Variants in JAZF1 observed in about 807,000 individuals in gnomAD.
JAZF1 encodes JAZF zinc finger 1.
JAZF1 carries 8 observed loss-of-function variants against 26.4 expected under a neutral mutation model. The ratio of observed to expected loss-of-function variants is 0.30; its 90% confidence interval spans 0.18 to 0.55. The LOEUF (loss-of-function observed/expected upper bound fraction) is 0.55, where lower values mean the gene tolerates loss of function less well. Ranked by LOEUF, JAZF1 falls within the 20% of genes least tolerant of loss-of-function variation. The pLI, the probability that JAZF1 is intolerant of heterozygous loss-of-function variation, is 0.94. For missense variants in JAZF1, 199 were observed against 322.0 expected (o/e 0.62, Z 2.92); for synonymous variants, 126 against 122.3 (o/e 1.03, Z -0.20).
At chr7:28,020,585 C>T (rs904011523) in intron 1 of JAZF1, 10 of 471,212 alleles carry the variant, frequency 2.1e-5, no homozygotes, top group Admixed American at 9.4e-5. Context: ...CATGCATATT[C>T]GTACAACAAC....
intron 3 of JAZF1, among the ~76,000 whole-genome samples, chr7:27,876,950 G>C (rs1190297538): frequency 6.6e-6 from 1 of 152,220 alleles, no homozygotes; most frequent in Non-Finnish European, 1.5e-5. Context: ...CCCAGCTAGA[G>C]ATGACTTTAT....
intron 2 of JAZF1, among the ~76,000 whole-genome samples, chr7:27,911,041 G>A (rs1033298334): frequency 9.2e-5 from 14 of 152,248 alleles, no homozygotes; most frequent in East Asian, 1.9e-4. Context: ...AGACCCTGCC[G>A]AGCACTCTTA....
intron 1 of JAZF1, among the ~76,000 whole-genome samples, chr7:28,092,330 CT>C (rs1784315647): frequency 2.5e-5 from 1 of 40,368 alleles, no homozygotes; most frequent in African/African-American, 9.9e-5. Context: ...AAAAAAACAA[CT>C]AATGTCAAAG....
chr7:27,875,412 A>G (rs1783660948), intron 3 of JAZF1, among the ~76,000 whole-genome samples: 1 of 152,154 alleles, frequency 6.6e-6, no homozygotes, highest in Non-Finnish European at 1.5e-5. Flanking sequence ...CCTTTTAAAA[A>G]TGTGAAGCAA....
At chr7:27,837,226 A>T (rs1355916682) in intron 4 of JAZF1, among the ~76,000 whole-genome samples, 1 of 152,274 alleles carries the variant, frequency 6.6e-6, no homozygotes, top group Non-Finnish European at 1.5e-5. Flanking sequence ...CATAAAAATT[A>T]TCAAAGGTTA....
intron 2 of JAZF1, among the ~76,000 whole-genome samples, chr7:27,987,084 G>A (rs1044919181): frequency 1.7e-4 from 26 of 151,986 alleles, no homozygotes; most frequent in Non-Finnish European, 3.8e-4. Context: ...CACCCCATCT[G>A]GGAAGTGAGG....
At chr7:27,880,905 T>C (rs1783757986) in intron 3 of JAZF1, among the ~76,000 whole-genome samples, 1 of 152,190 alleles carries the variant, frequency 6.6e-6, no homozygotes, top group South Asian at 2.1e-4. Flanking sequence ...TGGGCTCAAG[T>C]GCCTCAGGCC....
At chr7:27,898,905 C>A (rs185306735) in intron 2 of JAZF1, among the ~76,000 whole-genome samples, 7 of 152,140 alleles carry the variant, frequency 4.6e-5, no homozygotes, top group Admixed American at 4.6e-4. Context: ...CTTGACATAC[C>A]AAGGTACACA....
rs1782690130 is a variant in JAZF1, at chr7:27,831,350, T to TAAC, written c.*1449_*1450insGTT. On this transcript the variant is annotated 3_prime_UTR_variant, in exon 5 of 5. Transcript: ENST00000283928. The stretch of plus-strand genomic sequence containing the variant: ...TCAAATGGGAACATGGGAAGAAACT[T>TAAC]TATAAGCAATTTGAGTTTGTTTTAT... 4.4e-6 allele frequency: 1 copy of TAAC among 227,138 alleles called. No homozygotes were observed. Among genetic ancestry groups the TAAC allele is most frequent in the Admixed American group, 5.7e-5 (1 of 17,570 alleles). The allele number at this position is 227,138 out of a possible 1,614,324, so 14.1% of individuals were successfully genotyped here. A position where few individuals can be genotyped will look rare whatever the true frequency, so the allele number is the denominator to read the frequency against.
chr7:28,180,362 C>T, intron 1 of JAZF1, 101 bp downstream of exon 1: 1 of 835,444 alleles, frequency 1.2e-6, no homozygotes, highest in Non-Finnish European at 1.9e-6. Context: ...CCCGCCCTGC[C>T]GCCTCCCTCC....
chr7:28,058,540 C>A (rs1456441560), intron 1 of JAZF1, among the ~76,000 whole-genome samples: 1 of 152,120 alleles, frequency 6.6e-6, no homozygotes, highest in Non-Finnish European at 1.5e-5. Context: ...AAACACAGTT[C>A]CTAGTTTAAC....
intron 1 of JAZF1, among the ~76,000 whole-genome samples, chr7:28,017,640 T>C (rs1011665134): frequency 2.0e-5 from 3 of 152,244 alleles, no homozygotes; most frequent in African/African-American, 7.2e-5. Flanking sequence ...CCAGCAGCCA[T>C]GTCCTAGGCA....
intron 4 of JAZF1, 103 bp from the exon 5 acceptor site, chr7:27,833,079 G>A: frequency 1.2e-6 from 1 of 850,450 alleles, no homozygotes; most frequent in East Asian, 2.8e-5. Context: ...GATGGCAGCT[G>A]TTTAGAGTGT....
chr7:27,869,382 G>A (rs10951186), intron 3 of JAZF1, among the ~76,000 whole-genome samples: 29,251 of 152,156 alleles, frequency 0.19, 2,973 homozygotes, highest in Middle Eastern at 0.27. Flanking sequence ...AACTACGGGT[G>A]GCCAGTTTGG....
chr7:28,167,793 T>C (rs1783391884), intron 1 of JAZF1, among the ~76,000 whole-genome samples: 1 of 152,176 alleles, frequency 6.6e-6, no homozygotes, highest in African/African-American at 2.4e-5. Context: ...AAAGAAAAAG[T>C]TTTAATTACA....
chr7:27,910,508 G>A (rs1245303508), intron 2 of JAZF1, among the ~76,000 whole-genome samples: 12 of 152,180 alleles, frequency 7.9e-5, no homozygotes, highest in Non-Finnish European at 1.0e-4. Context: ...CTAATCCTGG[G>A]CATCAGCTGG....
At chr7:27,835,507 T>A (rs1782789565) in intron 4 of JAZF1, among the ~76,000 whole-genome samples, 1 of 152,130 alleles carries the variant, frequency 6.6e-6, no homozygotes. Context: ...CACATCAGCT[T>A]TATGACTCTG....
intron 1 of JAZF1, among the ~76,000 whole-genome samples, chr7:28,130,166 A>T (rs1782767261): frequency 6.6e-6 from 1 of 152,342 alleles, no homozygotes. Context: ...TAGTGAAAGC[A>T]TGCACATTAC....
At chr7:28,098,199 C>T (rs1348236780) in intron 1 of JAZF1, among the ~76,000 whole-genome samples, 1 of 151,974 alleles carries the variant, frequency 6.6e-6, no homozygotes, top group Non-Finnish European at 1.5e-5. Context: ...GAGAGTTTTT[C>T]TTCTCCCTCT....
Sources: allele counts gnomAD v4.1 joint callset (sites outside exome capture counted in the v4.1 genomes callset), GRCh38; gene constraint gnomAD v4.1.1; transcripts MANE v1.5; gene names NCBI Gene and HGNC (gene_info 2026-07-23, HGNC 2026-07-21).